Variants in CDH18 observed in about 807,000 individuals in gnomAD.
CDH18 encodes the protein cadherin 18.
In CDH18, 31 loss-of-function variants were observed where a neutral mutation model predicts 67.9. The observed-to-expected ratio is 0.46, with a 90% CI of 0.34 to 0.62. The LOEUF (loss-of-function observed/expected upper bound fraction) is 0.62, where lower values mean the gene tolerates loss of function less well. Among genes scored for constraint, CDH18 ranks in the 20% least tolerant of loss-of-function variants. CDH18 has a pLI of 0.01. For synonymous variants in CDH18, 362 were observed against 347.2 expected, an observed-to-expected ratio of 1.04 and a Z score of -0.48; for missense variants, 890 against 975.5, an observed-to-expected ratio of 0.91 and a Z score of 1.17.
intron 3 of CDH18, among the ~76,000 whole-genome samples, chr5:19,758,135 G>T (rs998376497): frequency 9.2e-5 from 14 of 152,158 alleles, no homozygotes; most frequent in Admixed American, 7.9e-4. Context: ...TTCAGGACCT[G>T]CTAGAGCCTG....
At chr5:19,631,577 A>G (rs1187793540) in intron 5 of CDH18, among the ~76,000 whole-genome samples, 1 of 152,170 alleles carries the variant, frequency 6.6e-6, no homozygotes, top group East Asian at 1.9e-4. Flanking sequence ...ATTCCACAAA[A>G]AAAAATACTT....
At chr5:19,564,250 G>A (rs1739971976) in intron 8 of CDH18, among the ~76,000 whole-genome samples, 1 of 152,190 alleles carries the variant, frequency 6.6e-6, no homozygotes, top group Non-Finnish European at 1.5e-5. Context: ...AGCTGGCGTG[G>A]TCAAGGGAGT....
At chr5:20,300,295 TGTGTGTGC>T (rs1202486446) in intron 1 of CDH18, among the ~76,000 whole-genome samples, 1 of 49,542 alleles carries the variant, frequency 2.0e-5, no homozygotes, top group Non-Finnish European at 5.2e-5. Context: ...GATTAAGTTG[TGTGTGTGC>T]GTGTGTGTGT....
intron 3 of CDH18, among the ~76,000 whole-genome samples, chr5:19,760,117 A>C (rs982911218): frequency 1.2e-4 from 18 of 152,082 alleles, no homozygotes; most frequent in Non-Finnish European, 2.9e-5. Context: ...AGCTACACCC[A>C]CCTTGCCTTT....
chr5:20,055,772 T>C (rs1262753882), intron 2 of CDH18, among the ~76,000 whole-genome samples: 1 of 152,134 alleles, frequency 6.6e-6, no homozygotes, highest in African/African-American at 2.4e-5. Context: ...TTGAAGAAAT[T>C]TGAAAATATT....
At chr5:19,981,878 A>G (rs1017067071) in intron 1 of CDH18, among the ~76,000 whole-genome samples, 2 of 152,058 alleles carry the variant, frequency 1.3e-5, no homozygotes, top group Non-Finnish European at 2.9e-5. Flanking sequence ...TCAAACCACC[A>G]TCTATCTCTT....
At chr5:20,266,204 C>G (rs1580621209) in intron 1 of CDH18, among the ~76,000 whole-genome samples, 2 of 152,046 alleles carry the variant, frequency 1.3e-5, no homozygotes, top group African/African-American at 4.8e-5. Flanking sequence ...GTGAGTCAAT[C>G]CCTTGTAATA....
In CDH18 at chr5:19,965,569, T is replaced by G. The variant is rs185420238; in HGVS notation, c.-257+15491A>C. On this transcript the variant is annotated intron_variant, in intron 2 of 12. Transcript: ENST00000382275. ...GCATTATATGTTAGCAAAATATCTA[T>G]TAAAGTTGAATCAGTGTGCTAGAAT... Among the ~76,000 whole-genome samples, 3 of 152,326 alleles carry G rather than the reference T, an allele frequency of 2.0e-5. No individual in the cohort carries two copies. In the East Asian group the frequency reaches 5.8e-4, roughly 29 times the overall value.
intron 5 of CDH18, among the ~76,000 whole-genome samples, chr5:19,644,229 C>T (rs1754430266): frequency 1.3e-5 from 2 of 152,098 alleles, no homozygotes; most frequent in Admixed American, 1.3e-4. Context: ...AGAAGTTATC[C>T]AAGCAGCATA....
At chr5:20,361,700 G>T (rs1431557217) in intron 1 of CDH18, among the ~76,000 whole-genome samples, 2 of 151,922 alleles carry the variant, frequency 1.3e-5, no homozygotes, top group Non-Finnish European at 2.9e-5. Flanking sequence ...TGGCATATTT[G>T]GTTTCTTAAT....
At chr5:20,075,089 T>C (rs1743807042) in intron 2 of CDH18, among the ~76,000 whole-genome samples, 1 of 152,166 alleles carries the variant, frequency 6.6e-6, no homozygotes, top group South Asian at 2.1e-4. Flanking sequence ...TTTGCACCTC[T>C]TTAGGCCCGT....
chr5:20,239,324 C>T (rs1462328530), intron 2 of CDH18, among the ~76,000 whole-genome samples: 9 of 151,960 alleles, frequency 5.9e-5, no homozygotes, highest in Non-Finnish European at 7.4e-5. Flanking sequence ...GGCGTGGTGG[C>T]GGATGCCTGT....
chr5:20,240,997 T>G (rs1456121131), intron 2 of CDH18, among the ~76,000 whole-genome samples: 1 of 152,134 alleles, frequency 6.6e-6, no homozygotes, highest in South Asian at 2.1e-4. Flanking sequence ...ATTATTATAT[T>G]TTTCTTTTTT....
intron 1 of CDH18, among the ~76,000 whole-genome samples, chr5:20,300,930 C>G (rs1286343518): frequency 6.6e-6 from 1 of 152,074 alleles, no homozygotes; most frequent in East Asian, 1.9e-4. Flanking sequence ...GATAAAGTCT[C>G]CAAGATTAAC....
intron 1 of CDH18, chr5:20,304,946 C>T: frequency 6.2e-7 from 1 of 1,613,814 alleles, no homozygotes; most frequent in Non-Finnish European, 8.5e-7. Flanking sequence ...ACTATCCAAT[C>T]CCGCACGGAG....
chr5:19,865,564 ACCATC>A (rs1785393362), intron 2 of CDH18, among the ~76,000 whole-genome samples: 1 of 152,024 alleles, frequency 6.6e-6, no homozygotes, highest in Non-Finnish European at 1.5e-5. Context: ...TACAGAGACA[ACCATC>A]CCTGCTTGTT....
chr5:20,337,497 G>C (rs1025335919), intron 1 of CDH18, among the ~76,000 whole-genome samples: 1 of 152,022 alleles, frequency 6.6e-6, no homozygotes, highest in Non-Finnish European at 1.5e-5. Flanking sequence ...AAATCTCTAG[G>C]GCAGGGGCAA....
chr5:19,752,380 G>T (rs926891900), intron 3 of CDH18, among the ~76,000 whole-genome samples: 2 of 152,146 alleles, frequency 1.3e-5, no homozygotes, highest in South Asian at 2.1e-4. Context: ...TTGTGTGGGA[G>T]CTGGGAGAAG....
At chr5:19,782,472 AG>A (rs1483635080) in intron 3 of CDH18, among the ~76,000 whole-genome samples, 2 of 152,262 alleles carry the variant, frequency 1.3e-5, no homozygotes, top group Middle Eastern at 3.4e-3. Flanking sequence ...GTAAGGCAAA[AG>A]GGATTTTCCT....
Sources: allele counts gnomAD v4.1 joint callset (sites outside exome capture counted in the v4.1 genomes callset), GRCh38; gene constraint gnomAD v4.1.1; transcripts MANE v1.5; gene names NCBI Gene and HGNC (gene_info 2026-07-23, HGNC 2026-07-21).